Variants in PIGL observed in about 807,000 individuals in gnomAD.
PIGL encodes the protein N-acetylglucosaminyl-phosphatidylinositol de-N-acetylase.
PIGL carries 22 observed loss-of-function variants against 31.1 expected under a neutral mutation model. That is an observed-to-expected ratio of 0.71 (90% CI 0.51 to 1.01). The LOEUF is 1.01. Among genes scored for constraint, PIGL ranks in the 50% least tolerant of loss-of-function variants. The pLI, the probability that PIGL is intolerant of heterozygous loss-of-function variation, is 0.00. For missense variants in PIGL, 302 were observed against 315.9 expected (o/e 0.96, Z 0.33); for synonymous variants, 131 against 117.4 (o/e 1.12, Z -0.75).
At chr17:16,226,990 GT>G (rs2092654746) in intron 1 of PIGL, among the ~76,000 whole-genome samples, 1 of 152,114 alleles carries the variant, frequency 6.6e-6, no homozygotes, top group African/African-American at 2.4e-5. Flanking sequence ...TCTAGAACAT[GT>G]TTGCCTTTTA....
chr17:16,247,968 A>C (rs1336011920), intron 2 of PIGL, among the ~76,000 whole-genome samples: 1 of 151,796 alleles, frequency 6.6e-6, no homozygotes, highest in East Asian at 1.9e-4. Context: ...GCTCACTGCA[A>C]CCTCTGCCTC....
At chr17:16,301,673 G>A (rs1332992111) in intron 3 of PIGL, among the ~76,000 whole-genome samples, 5 of 150,032 alleles carry the variant, frequency 3.3e-5, no homozygotes, top group East Asian at 2.0e-4. Context: ...CCGGGTTCAC[G>A]CCATTCTCCT....
At chr17:16,245,586 G>A (rs1469553825) in intron 2 of PIGL, among the ~76,000 whole-genome samples, 8 of 148,656 alleles carry the variant, frequency 5.4e-5, no homozygotes, top group African/African-American at 2.5e-5. Context: ...TGTATTTTTA[G>A]TAGAGACGGG....
intron 2 of PIGL, among the ~76,000 whole-genome samples, chr17:16,240,652 C>T (rs2092718863): frequency 6.6e-6 from 1 of 151,954 alleles, no homozygotes; most frequent in African/African-American, 2.4e-5. Context: ...AGGCATGCAC[C>T]ACCTTGCCAG....
At chr17:16,217,639 T>A in intron 1 of PIGL, 178 bp downstream of exon 1, 1 of 541,340 alleles carries the variant, frequency 1.8e-6, no homozygotes, top group South Asian at 2.8e-5. Context: ...ACCTGGTGGG[T>A]TGGGGGACGT....
chr17:16,314,493 T>C (rs1483552447), intron 4 of PIGL, among the ~76,000 whole-genome samples: 1 of 152,220 alleles, frequency 6.6e-6, no homozygotes, highest in African/African-American at 2.4e-5. Context: ...CCATTCATTA[T>C]TCTGTCAGAT....
intron 2 of PIGL, among the ~76,000 whole-genome samples, chr17:16,260,619 T>A (rs73281964): frequency 6.6e-6 from 1 of 152,050 alleles, no homozygotes; most frequent in Non-Finnish European, 1.5e-5. Flanking sequence ...AGGGAGCTAC[T>A]CACTGCAGGT....
chr17:16,246,664 A>G (rs1430860227), intron 2 of PIGL, among the ~76,000 whole-genome samples: 1 of 130,984 alleles, frequency 7.6e-6, no homozygotes, highest in African/African-American at 2.8e-5. Flanking sequence ...AGAAGTCCAG[A>G]TCAAGGTCTT....
At chr17:16,318,004 G>T in intron 6 of PIGL, 96 bp downstream of exon 6, 1 of 1,047,638 alleles carries the variant, frequency 9.5e-7, no homozygotes, top group Non-Finnish European at 1.5e-6. Flanking sequence ...CTAACTGAAG[G>T]TTTTTCACAG....
At chr17:16,323,805 G>A (rs2093116135) in intron 6 of PIGL, among the ~76,000 whole-genome samples, 1 of 151,296 alleles carries the variant, frequency 6.6e-6, no homozygotes, top group Non-Finnish European at 1.5e-5. Flanking sequence ...TTTCAGTAGA[G>A]ATGGGGTTTC....
intron 2 of PIGL, among the ~76,000 whole-genome samples, chr17:16,250,953 A>C (rs780593798): frequency 2.0e-5 from 3 of 152,214 alleles, no homozygotes; most frequent in Non-Finnish European, 4.4e-5. Context: ...GACTAACTGC[A>C]CAAGATAGGT....
intron 2 of PIGL, among the ~76,000 whole-genome samples, chr17:16,263,277 A>G (rs2092826817): frequency 6.6e-6 from 1 of 150,900 alleles, no homozygotes; most frequent in Admixed American, 6.6e-5. Context: ...CTCCTGGGCT[A>G]AAGTGATCCT....
At chr17:16,286,478 G>A (rs947702637) in intron 2 of PIGL, among the ~76,000 whole-genome samples, 6 of 152,162 alleles carry the variant, frequency 3.9e-5, no homozygotes, top group Admixed American at 2.6e-4. Flanking sequence ...AAAATGTGCC[G>A]GCCAGTGTGA....
At chr17:16,317,531 C>T in intron 5 of PIGL, 1 of 1,245,720 alleles carries the variant, frequency 8.0e-7, no homozygotes, top group East Asian at 3.3e-5. Flanking sequence ...AGCAGCCAAC[C>T]TTTTTCTGGT....
intron 2 of PIGL, among the ~76,000 whole-genome samples, chr17:16,245,729 T>TAC (rs1190461155): frequency 6.0e-5 from 9 of 150,586 alleles, no homozygotes; most frequent in South Asian, 2.1e-4. Context: ...CATATATATA[T>TAC]ACACACACAC....
chr17:16,253,499 A>G (rs189332845), intron 2 of PIGL, among the ~76,000 whole-genome samples: 31 of 152,274 alleles, frequency 2.0e-4, no homozygotes, highest in African/African-American at 7.2e-4. Context: ...TACCCCATAA[A>G]TATATACAAT....
At chr17:16,269,984 A>G (rs761348708) in intron 2 of PIGL, among the ~76,000 whole-genome samples, 9 of 152,096 alleles carry the variant, frequency 5.9e-5, no homozygotes, top group Non-Finnish European at 1.3e-4. Flanking sequence ...TTCAGCACTC[A>G]TCTATACTTT....
chr17:16,239,968 A>T (rs189750421), intron 2 of PIGL, among the ~76,000 whole-genome samples: 1 of 152,172 alleles, frequency 6.6e-6, no homozygotes, highest in Admixed American at 6.5e-5. Context: ...TTACTCAGTG[A>T]TATGATTTCG....
chr17:16,243,953 G>T (rs1280197172), intron 2 of PIGL, among the ~76,000 whole-genome samples: 1 of 152,202 alleles, frequency 6.6e-6, no homozygotes, highest in Admixed American at 6.5e-5. Context: ...AATGTGGTGG[G>T]TGGGGCGAAG....
Sources: allele counts gnomAD v4.1 joint callset (sites outside exome capture counted in the v4.1 genomes callset), GRCh38; gene constraint gnomAD v4.1.1; transcripts MANE v1.5; gene names NCBI Gene and HGNC (gene_info 2026-07-23, HGNC 2026-07-21).